Variants in IGFBP1 observed in about 807,000 individuals in gnomAD.
The protein encoded by IGFBP1 is insulin like growth factor binding protein 1.
In IGFBP1, 31 loss-of-function variants were observed where a neutral mutation model predicts 23.1. The ratio of observed to expected loss-of-function variants is 1.34; its 90% CI spans 1.01 to 1.81. IGFBP1 has a LOEUF of 1.81. Among genes scored for constraint, IGFBP1 ranks in the 40% most tolerant of loss-of-function variants. IGFBP1 has a pLI of 0.00. For missense variants in IGFBP1, 333 were observed against 342.2 expected (o/e 0.97, Z 0.21); for synonymous variants, 148 against 145.5 (o/e 1.02, Z -0.13).
chr7:45,889,043 G>C, intron 1 of IGFBP1, 42 bp downstream of exon 1: 1 of 1,412,700 alleles, frequency 7.1e-7, no homozygotes. Context: ...CCTGCCGCCC[G>C]CCCCCGCCCG....
rs576070701 is a variant in IGFBP1 at position 45,889,039 on chromosome 7, G to A, written c.349+38G>A. ...CGCCCCTGCTCCAGCACCTCCTGCC[G>A]CCCGCCCCCGCCCGGCACCTCCCGC... On this transcript the variant is annotated intron_variant, in intron 1 of 3. Coordinates refer to ENST00000275525, the MANE Select transcript of IGFBP1 (RefSeq NM_000596.4). 482 of 1,412,082 alleles carry A rather than the reference G, an allele frequency of 3.4e-4. 5 individuals are homozygous for A. In the South Asian group the frequency reaches 5.6e-3, roughly 16 times the overall value. 87.5% of individuals were successfully genotyped at this position (1,412,082 alleles called of 1,614,324 possible).
rs1787024846 is a variant in IGFBP1, at chr7:45,888,816, C to A, written c.164C>A (p.Ala55Asp). The A allele has an allele frequency of 3.9e-6, 6 of 1,557,464 alleles. No homozygotes were observed. The highest frequency in any genetic ancestry group is 8.6e-7 in the Non-Finnish European group (1 of 1,160,164). Residue 55 changes from alanine (A) to aspartate (D), a missense_variant, in exon 1 of 4, where the codon GCC (alanine) becomes GAC (aspartate). Transcript: ENST00000275525. ...SASCSEVTRSAGCGCCPMCAL... is the reference protein window; with the variant it reads ...SASCSEVTRSDGCGCCPMCAL... ...TCGTGCTCGGAGGTCACCCGGTCCGCCGGCTGCGGCTGTTGCCCGATGTGC... is the reference window on the plus strand; with the variant it reads ...TCGTGCTCGGAGGTCACCCGGTCCGACGGCTGCGGCTGTTGCCCGATGTGC...
Position 45,893,000 on chromosome 7 carries a change from G to A in IGFBP1, c.689G>A (p.Cys230Tyr), listed in dbSNP as rs759586433. The change falls in exon 4 of 4, where the codon TGC becomes TAC. Residue 230 changes from cysteine (C) to tyrosine (Y), a missense_variant. Transcript: ENST00000275525. Reference sequence around the variant, plus strand: ...GATGGAGAGGCGGGACTCTGCTGGTGCGTCTACCCTTGGAATGGGAAGAGG... The same window carrying A: ...GATGGAGAGGCGGGACTCTGCTGGTACGTCTACCCTTGGAATGGGAAGAGG... ...SMDGEAGLCW[C>Y]VYPWNGKRIP... 2 of 1,613,188 alleles carry A rather than the reference G, an allele frequency of 1.2e-6. No individual in the cohort carries two copies. Among genetic ancestry groups the A allele is most frequent in the African/African-American group, 1.3e-5 (1 of 75,036 alleles).
chr7:45,888,995 G>T lies in IGFBP1; in HGVS notation c.343G>T (p.Ala115Ser). 1 of 1,515,418 alleles carries T rather than the reference G, an allele frequency of 6.6e-7. No homozygotes were observed. 93.9% of individuals were successfully genotyped at this position (1,515,418 alleles called of 1,614,324 possible). The stretch of plus-strand genomic sequence containing the variant: ...GGAGTCTGACGCCTCCGCTCCCCAT[G>T]CTGCAGGTACCACAGTCCCGCCCCT... ...VQESDASAPH[A>S]AEAGSPESPE... is the part of the protein sequence containing the mutation. Residue 115 changes from alanine to serine, a missense_variant, in exon 1 of 4, where the codon GCT becomes TCT. By Grantham distance (99) the Ala-to-Ser change is moderately conservative (BLOSUM62 1). Coordinates refer to ENST00000275525, the MANE Select transcript of IGFBP1 (RefSeq NM_000596.4).
In IGFBP1 at chr7:45,893,534, TAA is replaced by T. The variant is rs879890435; in HGVS notation, c.*446_*447del. Reference sequence around the variant, plus strand: ...TTTGATGTACATGTGTAGGGAAAGTTAAAAGTGTTGATTACATAATCAAAGCT... The same window carrying T: ...TTTGATGTACATGTGTAGGGAAAGTTAAGTGTTGATTACATAATCAAAGCT... On this transcript the variant is annotated 3_prime_UTR_variant, in exon 4 of 4. Transcript: ENST00000275525. 1.3e-5 allele frequency: 2 copies of T among 150,750 alleles called. No homozygotes were observed. The highest frequency in any genetic ancestry group is 3.0e-5 in the Non-Finnish European group (2 of 67,572). 9.3% of individuals were successfully genotyped at this position (150,750 alleles called of 1,614,324 possible).
In IGFBP1 at chr7:45,888,598, CCCG is replaced by C; in HGVS notation, c.-49_-47del. 3 of 1,486,052 alleles carry C rather than the reference CCCG, an allele frequency of 2.0e-6. No homozygotes were observed. In the South Asian group the frequency reaches 3.6e-5, roughly 18 times the overall value. The allele number at this position is 1,486,052 out of a possible 1,614,324, so 92.1% of individuals were successfully genotyped here. On this transcript the variant is annotated 5_prime_UTR_variant, in exon 1 of 4. Coordinates refer to ENST00000275525, the MANE Select transcript of IGFBP1 (RefSeq NM_000596.4). Reference sequence around the variant, plus strand: ...CACTTGCCCAGAGTTTGGGCCACCGCCCGCCGCCACCAGCCCAGAGAGCATCGG... The same window carrying C: ...CACTTGCCCAGAGTTTGGGCCACCGCCCGCCACCAGCCCAGAGAGCATCGG...
intron 2 of IGFBP1, among the ~76,000 whole-genome samples, chr7:45,891,263 G>C (rs1047500106): frequency 6.6e-6 from 1 of 152,160 alleles, no homozygotes; most frequent in Admixed American, 6.5e-5. Context: ...TCTTAATTAT[G>C]TCTGTTTTGA....
Position 45,893,024 on chromosome 7 carries a change from G to C in IGFBP1, c.713G>C (p.Arg238Thr). ...CWCVYPWNGK[R>T]IPGSPEIRGD... ...TGCGTCTACCCTTGGAATGGGAAGA[G>C]GATCCCTGGGTCTCCAGAGATCAGG... The change falls in exon 4 of 4, where the codon AGG becomes ACG. Residue 238 changes from arginine to threonine, a missense_variant. Coordinates refer to ENST00000275525, the MANE Select transcript of IGFBP1 (RefSeq NM_000596.4). The C allele has an allele frequency of 6.2e-7, 1 of 1,611,234 alleles. No individual in the cohort carries two copies. Among genetic ancestry groups the C allele is most frequent in the Non-Finnish European group, 8.5e-7 (1 of 1,177,482 alleles).
At chr7:45,890,499 G>C in intron 1 of IGFBP1, 49 bp from the exon 2 acceptor site, 8 of 1,547,156 alleles carry the variant, frequency 5.2e-6, no homozygotes, top group Non-Finnish European at 7.0e-6. Context: ...GCCCGAAAGG[G>C]GCAGATGCTT....
In IGFBP1 at chr7:45,890,621, G is replaced by GGCCCCTTCT; in HGVS notation, c.425_433dup (p.Ala142_Ser144dup). 1 of 1,613,928 alleles carries GGCCCCTTCT rather than the reference G, an allele frequency of 6.2e-7. No homozygotes were observed. The highest frequency in any genetic ancestry group is 8.5e-7 in the Non-Finnish European group (1 of 1,179,912). On this transcript the variant is annotated inframe_insertion, in exon 2 of 4. Transcript: ENST00000275525. ...AGCTCCTGGATAATTTCCATCTGAT[G>GGCCCCTTCT]GCCCCTTCTGAAGAGGATCATTCCA...
In IGFBP1 at chr7:45,893,289, T is replaced by C. The variant is rs144131273; in HGVS notation, c.*198T>C. 143 of 213,022 alleles carry C rather than the reference T, an allele frequency of 6.7e-4. 1 individual carries two copies. Among genetic ancestry groups the C allele is most frequent in the Non-Finnish European group, 2.6e-4 (29 of 109,524 alleles). 13.2% of individuals were successfully genotyped at this position (213,022 alleles called of 1,614,324 possible). On this transcript the variant is annotated 3_prime_UTR_variant, in exon 4 of 4. Transcript: ENST00000275525. ...ATTTTTTCTACACAGTAAAAACTTGTACTATGTTAATAACTTGTCCTATGT... is the reference window on the plus strand; with the variant it reads ...ATTTTTTCTACACAGTAAAAACTTGCACTATGTTAATAACTTGTCCTATGT...
At position 45,888,571 on chromosome 7, in the gene IGFBP1, A is replaced by T. The variant is rs1787015265; in HGVS notation, c.-82A>T. ...AGAGAGCACTGGCCACCGCTCCACC[A>T]TCACTTGCCCAGAGTTTGGGCCACC... On this transcript the variant is annotated 5_prime_UTR_variant, in exon 1 of 4. Transcript: ENST00000275525. 8.2e-7 allele frequency: 1 copy of T among 1,220,294 alleles called. No homozygotes were observed. Among genetic ancestry groups the T allele is most frequent in the Non-Finnish European group, 1.2e-6 (1 of 863,006 alleles). 75.6% of individuals were successfully genotyped at this position (1,220,294 alleles called of 1,614,324 possible).
At position 45,888,980 on chromosome 7, in the gene IGFBP1, G is replaced by T. The variant is rs1160985621; in HGVS notation, c.328G>T (p.Ala110Ser). Reference protein sequence around the residue: ...GQGACVQESDASAPHAAEAGS... With the variant: ...GQGACVQESDSSAPHAAEAGS... ...AGGCGCCTGCGTGCAGGAGTCTGAC[G>T]CCTCCGCTCCCCATGCTGCAGGTAC... The change falls in exon 1 of 4, where the codon GCC becomes TCC. Residue 110 changes from alanine to serine, a missense_variant. Coordinates refer to ENST00000275525, the MANE Select transcript of IGFBP1 (RefSeq NM_000596.4). 3 of 1,518,696 alleles carry T rather than the reference G, an allele frequency of 2.0e-6. No homozygotes were observed. Among genetic ancestry groups the T allele is most frequent in the East Asian group, 2.6e-5 (1 of 37,986 alleles). The allele number at this position is 1,518,696 out of a possible 1,614,324, so 94.1% of individuals were successfully genotyped here.
In IGFBP1 at chr7:45,893,094, C is replaced by T; in HGVS notation, c.*3C>T. ...TATATTTTAATGTACAAAACTGAAA[C>T]CAGATGAAATAATGTTCTGTCACGT... On this transcript the variant is annotated 3_prime_UTR_variant, in exon 4 of 4. Transcript: ENST00000275525. The T allele has an allele frequency of 6.2e-7, 1 of 1,604,158 alleles. No homozygotes were observed. Among genetic ancestry groups the T allele is most frequent in the South Asian group, 1.1e-5 (1 of 90,692 alleles).
rs370766303 is a variant in IGFBP1, at chr7:45,893,002, G to A, written c.691G>A (p.Val231Ile). ...TGGAGAGGCGGGACTCTGCTGGTGC[G>A]TCTACCCTTGGAATGGGAAGAGGAT... ...MDGEAGLCWC[V>I]YPWNGKRIPG... Residue 231 changes from valine to isoleucine, a missense_variant, in exon 4 of 4, where the codon GTC (valine) becomes ATC (isoleucine). Physicochemically the swap from Val to Ile is conservative, Grantham distance 29. Transcript: ENST00000275525. The A allele has an allele frequency of 2.6e-5, 42 of 1,612,860 alleles. No homozygotes were observed. The highest frequency in any genetic ancestry group is 1.0e-4 in the Admixed American group (6 of 60,002).
chr7:45,889,209 T>C (rs3828998), intron 1 of IGFBP1, among the ~76,000 whole-genome samples: 59,778 of 152,092 alleles, frequency 0.39, 12,001 homozygotes, highest in East Asian at 0.53. Context: ...CAGGACGTGC[T>C]CTGGGAGAAG....
At chr7:45,892,928 T>C (rs775545221) in intron 3 of IGFBP1, 32 bp from the exon 4 acceptor site, 23 of 1,602,470 alleles carry the variant, frequency 1.4e-5, no homozygotes, top group Non-Finnish European at 1.7e-5. Flanking sequence ...GCTTGTCATC[T>C]GCTGCTCTTG....
In IGFBP1 at chr7:45,893,181, T is replaced by C; in HGVS notation, c.*90T>C. The C allele has an allele frequency of 3.0e-5, 17 of 567,516 alleles. No homozygotes were observed. The highest frequency in any genetic ancestry group is 4.2e-5 in the Non-Finnish European group (16 of 379,730). The allele number at this position is 567,516 out of a possible 1,614,324, so 35.2% of individuals were successfully genotyped here. On this transcript the variant is annotated 3_prime_UTR_variant, in exon 4 of 4. Transcript: ENST00000275525. ...ACATGCACATTTATATATATATGTATATGTATATATATATAGTAACTACTT... is the reference window on the plus strand; with the variant it reads ...ACATGCACATTTATATATATATGTACATGTATATATATATAGTAACTACTT...
rs1456770707 is a variant in IGFBP1, at chr7:45,893,416, A to T, written c.*325A>T. On this transcript the variant is annotated 3_prime_UTR_variant, in exon 4 of 4. Coordinates refer to ENST00000275525, the MANE Select transcript of IGFBP1 (RefSeq NM_000596.4). ...GTCTGTTTTTAAAGAGCATGGAAAA[A>T]TACTGCCTAGAAAATGCAAAATGAA... The T allele has an allele frequency of 6.5e-6, 1 of 153,032 alleles. No individual in the cohort carries two copies. Among genetic ancestry groups the T allele is most frequent in the Non-Finnish European group, 1.5e-5 (1 of 68,664 alleles). 9.5% of individuals were successfully genotyped at this position (153,032 alleles called of 1,614,324 possible).
Sources: gnomAD v4.1 joint callset for allele counts (sites outside exome capture counted in the v4.1 genomes callset) on GRCh38, gnomAD v4.1.1 for gene constraint, MANE v1.5 for transcripts, NCBI Gene and HGNC (gene_info 2026-07-23, HGNC 2026-07-21) for gene names.